Variants in TMEM200A observed in about 807,000 individuals in gnomAD.
TMEM200A encodes the protein transmembrane protein 200A.
Under a neutral mutation model 24.3 loss-of-function variants are expected in TMEM200A, and 12 were observed. That is an observed-to-expected ratio of 0.49 (90% CI 0.32 to 0.80). The LOEUF (loss-of-function observed/expected upper bound fraction) is 0.80. Among genes scored for constraint, TMEM200A ranks in the 30% least tolerant of loss-of-function variants. TMEM200A has a pLI of 0.04. For missense variants in TMEM200A, 545 were observed against 614.4 expected (o/e 0.89, Z 1.19); for synonymous variants, 224 against 224.4 (o/e 1.00, Z 0.02).
intron 2 of TMEM200A, among the ~76,000 whole-genome samples, chr6:130,423,403 AATG>A (rs1247615258): frequency 1.3e-5 from 2 of 152,142 alleles, no homozygotes; most frequent in African/African-American, 4.8e-5. Flanking sequence ...CCTGTCACTA[AATG>A]ATTTCTTACA....
intron 2 of TMEM200A, among the ~76,000 whole-genome samples, chr6:130,426,602 G>A (rs1192592157): frequency 1.3e-5 from 2 of 152,086 alleles, no homozygotes; most frequent in African/African-American, 4.8e-5. Context: ...AATCAAAGTT[G>A]TAAGGTTAGA....
At chr6:130,413,791 C>G (rs1344159263) in intron 2 of TMEM200A, among the ~76,000 whole-genome samples, 2 of 152,154 alleles carry the variant, frequency 1.3e-5, no homozygotes, top group Non-Finnish European at 2.9e-5. Context: ...CATGACCAGC[C>G]CCTTGTCCAT....
intron 2 of TMEM200A, among the ~76,000 whole-genome samples, chr6:130,408,863 C>T (rs1053107954): frequency 6.6e-6 from 1 of 152,070 alleles, no homozygotes; most frequent in Non-Finnish European, 1.5e-5. Context: ...TTAGGGGAGA[C>T]CTGCCATAGG....
intron 1 of TMEM200A, among the ~76,000 whole-genome samples, chr6:130,383,267 G>T (rs994723950): frequency 5.9e-5 from 9 of 152,120 alleles, no homozygotes; most frequent in African/African-American, 1.9e-4. Context: ...CTTCCCAATT[G>T]CTAGGAAGTC....
chr6:130,429,190 A>G (rs1432705429), intron 2 of TMEM200A, among the ~76,000 whole-genome samples: 1 of 152,216 alleles, frequency 6.6e-6, no homozygotes, highest in Non-Finnish European at 1.5e-5. Flanking sequence ...CATGTGCAAC[A>G]TAAAATGTGT....
intron 2 of TMEM200A, among the ~76,000 whole-genome samples, chr6:130,422,533 C>G (rs1779621762): frequency 6.6e-6 from 1 of 152,138 alleles, no homozygotes; most frequent in Admixed American, 6.5e-5. Context: ...TCCCAAAGTG[C>G]TAGGATTACA....
intron 2 of TMEM200A, among the ~76,000 whole-genome samples, chr6:130,397,905 TTTTA>T (rs1398011764): frequency 1.3e-5 from 2 of 151,656 alleles, no homozygotes; most frequent in African/African-American, 4.8e-5. Flanking sequence ...ATAGTAATAT[TTTTA>T]TTTTAGTGGG....
Position 130,381,894 on chromosome 6 carries a change from C to T in TMEM200A, c.-80-3279C>T, listed in dbSNP as rs531674590. On this transcript the variant is annotated intron_variant, in intron 1 of 2. Transcript: ENST00000296978. ...GTTAACATTTGAAAGGATGGTTAAC[C>T]GACCTGTCTGCAGCTTCTCTGATCT... is the stretch of plus-strand genomic sequence containing the variant. 17 of 985,060 alleles carry T rather than the reference C, an allele frequency of 1.7e-5. No homozygotes were observed. In the East Asian group the frequency reaches 6.8e-4, roughly 40 times the overall value. The allele number at this position is 985,060 out of a possible 1,614,324, so 61.0% of individuals were successfully genotyped here. A position where few individuals can be genotyped will look rare whatever the true frequency, so the allele number is the denominator to read the frequency against.
Position 130,433,346 on chromosome 6 carries a change from C to T in TMEM200A, c.-16-7061C>T, listed in dbSNP as rs369348619. On this transcript the variant is annotated intron_variant, in intron 2 of 2. Coordinates refer to ENST00000296978, the MANE Select transcript of TMEM200A (RefSeq NM_001258277.2). The stretch of plus-strand genomic sequence containing the variant: ...AGAGACAGGGTTTCACCGTGTTGGC[C>T]AGGCTGGTCTTGAACTCCTGACCTC... 1.9e-4 allele frequency among the ~76,000 whole-genome samples: 29 copies of T among 152,250 alleles called. 1 individual carries two copies. The South Asian group carries it at 3.9e-3, about 21-fold the overall frequency.
At chr6:130,414,536 A>G (rs1208078508) in intron 2 of TMEM200A, among the ~76,000 whole-genome samples, 1 of 152,148 alleles carries the variant, frequency 6.6e-6, no homozygotes, top group African/African-American at 2.4e-5. Flanking sequence ...TTACCACCAA[A>G]TTATTACTAG....
chr6:130,398,164 C>T (rs937911098), intron 2 of TMEM200A, among the ~76,000 whole-genome samples: 1 of 152,016 alleles, frequency 6.6e-6, no homozygotes, highest in Admixed American at 6.6e-5. Context: ...CTGTTGTTCC[C>T]ATATTTGTGT....
chr6:130,403,136 G>A (rs1400703866), intron 2 of TMEM200A, among the ~76,000 whole-genome samples: 1 of 152,088 alleles, frequency 6.6e-6, no homozygotes. Context: ...AAAGCATTTG[G>A]ATAGTAGATG....
At chr6:130,422,834 T>C (rs1270316019) in intron 2 of TMEM200A, among the ~76,000 whole-genome samples, 1 of 152,128 alleles carries the variant, frequency 6.6e-6, no homozygotes, top group Non-Finnish European at 1.5e-5. Flanking sequence ...CTTATATGAG[T>C]GTTCTTATTA....
At position 130,442,487 on chromosome 6, in the gene TMEM200A, T is replaced by G. The variant is rs2115246326; in HGVS notation, c.*589T>G. The G allele has an allele frequency of 6.0e-6, 1 of 166,490 alleles. No individual in the cohort carries two copies. Among genetic ancestry groups the G allele is most frequent in the African/African-American group, 2.4e-5 (1 of 41,584 alleles). The allele number at this position is 166,490 out of a possible 1,614,324, so 10.3% of individuals were successfully genotyped here. ...GTTATTTTTTTCAATATCACTTCTG[T>G]TTTTAGTGATATTATATCAAGAAAC... On this transcript the variant is annotated 3_prime_UTR_variant, in exon 3 of 3. Coordinates refer to ENST00000296978, the MANE Select transcript of TMEM200A (RefSeq NM_001258277.2).
At chr6:130,422,091 T>G (rs1339976501) in intron 2 of TMEM200A, among the ~76,000 whole-genome samples, 2 of 152,146 alleles carry the variant, frequency 1.3e-5, no homozygotes, top group African/African-American at 2.4e-5. Flanking sequence ...GATTGCTGGA[T>G]CGTATGGTAG....
chr6:130,378,926 G>A (rs542663279), intron 1 of TMEM200A, among the ~76,000 whole-genome samples: 1 of 152,106 alleles, frequency 6.6e-6, no homozygotes, highest in African/African-American at 2.4e-5. Flanking sequence ...GCAATATCAG[G>A]GTGCTGGCAA....
chr6:130,394,119 G>A (rs1450941368), intron 2 of TMEM200A, among the ~76,000 whole-genome samples: 4 of 152,100 alleles, frequency 2.6e-5, no homozygotes, highest in African/African-American at 9.7e-5. Flanking sequence ...AGGGTTTGAA[G>A]TCAGTATTTG....
In TMEM200A at chr6:130,366,242, C is replaced by T. The variant is rs971915210; in HGVS notation, c.-363C>T. The T allele has an allele frequency of 1.1e-5, 11 of 985,278 alleles. No homozygotes were observed. The African/African-American group carries it at 1.7e-4, about 16-fold the overall frequency. 61.0% of individuals were successfully genotyped at this position (985,278 alleles called of 1,614,324 possible). On this transcript the variant is annotated 5_prime_UTR_variant, in exon 1 of 3. Transcript: ENST00000296978. This position sits in a 1 kb window ranked among gnomAD's most constrained non-coding sequence, Gnocchi z 4.4. ...CCCTGCCCCGAGGCCTCCGGTGCCC[C>T]CCCGGCGCGGGCATAGGGGCGCCCC... is the stretch of plus-strand genomic sequence containing the variant.
In TMEM200A at chr6:130,441,167, G is replaced by A. The variant is rs1165804854; in HGVS notation, c.745G>A (p.Asp249Asn). ...GCATCTTATGCCCCCTTTGCTCTCT[G>A]ACAGCTCTGTGTCTGTCTTTGGCCT... ...SGHLMPPLLS[D>N]SSVSVFGLYP... Residue 249 changes from aspartate (D) to asparagine (N), a missense_variant, in exon 3 of 3, where the codon GAC becomes AAC. Asp to Asn is a conservative substitution (Grantham distance 23). Coordinates refer to ENST00000296978, the MANE Select transcript of TMEM200A (RefSeq NM_001258277.2). The A allele has an allele frequency of 3.1e-6, 5 of 1,614,038 alleles. No homozygotes were observed. Among genetic ancestry groups the A allele is most frequent in the Middle Eastern group, 1.7e-4 (1 of 6,056 alleles).
Sources: allele counts gnomAD v4.1 joint callset (sites outside exome capture counted in the v4.1 genomes callset), GRCh38; gene constraint gnomAD v4.1.1; non-coding constraint Gnocchi (gnomAD v3.1); transcripts MANE v1.5; gene names NCBI Gene and HGNC (gene_info 2026-07-23, HGNC 2026-07-21).